The following DENND5B variants were observed in gnomAD, a reference collection of about 807,000 sequenced individuals.
The protein encoded by DENND5B is DENN domain-containing protein 5B.
Under a neutral mutation model 140.6 loss-of-function variants are expected in DENND5B, and 34 were observed. That is an observed-to-expected ratio of 0.24 (90% CI 0.18 to 0.32). DENND5B has a LOEUF of 0.32. Among genes scored for constraint, DENND5B ranks in the 10% least tolerant of loss-of-function variants. The pLI is 1.00. For synonymous variants in DENND5B, 551 were observed against 562.1 expected (o/e 0.98, Z 0.28); for missense variants, 1,142 against 1,560.2 (o/e 0.73, Z 4.52).
At chr12:31,537,239 C>A (rs756958894) in intron 1 of DENND5B, among the ~76,000 whole-genome samples, 2 of 151,950 alleles carry the variant, frequency 1.3e-5, no homozygotes, top group Non-Finnish European at 2.9e-5. Context: ...AAAGATAAAT[C>A]AAAAATAACT....
chr12:31,515,988 C>T (rs1485418756), intron 1 of DENND5B, among the ~76,000 whole-genome samples: 1 of 152,138 alleles, frequency 6.6e-6, no homozygotes, highest in African/African-American at 2.4e-5. Context: ...TAAATATATG[C>T]ATTAAAAGCT....
intron 1 of DENND5B, chr12:31,590,014 C>G (rs528997398): frequency 1.3e-5 from 2 of 152,406 alleles, no homozygotes; most frequent in African/African-American, 2.4e-5. Context: ...TGAATTTAAA[C>G]TCGGGAACAG....
At chr12:31,403,124 T>C (rs1031337345) in intron 14 of DENND5B, among the ~76,000 whole-genome samples, 2 of 152,202 alleles carry the variant, frequency 1.3e-5, no homozygotes, top group Non-Finnish European at 2.9e-5. Flanking sequence ...TTTAAAGCAC[T>C]GCATTTCAGA....
intron 2 of DENND5B, among the ~76,000 whole-genome samples, chr12:31,486,754 T>A (rs1001191588): frequency 2.6e-5 from 4 of 152,248 alleles, no homozygotes; most frequent in Non-Finnish European, 4.4e-5. Context: ...AGTCTCTACA[T>A]AAATACTACC....
intron 11 of DENND5B, among the ~76,000 whole-genome samples, chr12:31,418,940 T>A (rs1942895923): frequency 6.6e-6 from 1 of 152,170 alleles, no homozygotes; most frequent in African/African-American, 2.4e-5. Flanking sequence ...TGCCTGGCAA[T>A]TCCTGTTGTT....
At chr12:31,512,195 G>A (rs544212658) in intron 1 of DENND5B, among the ~76,000 whole-genome samples, 103 of 151,770 alleles carry the variant, frequency 6.8e-4, no homozygotes, top group Non-Finnish European at 1.0e-3. Context: ...GATTACAGGC[G>A]TGAGTCACCG....
intron 1 of DENND5B, among the ~76,000 whole-genome samples, chr12:31,518,750 T>G (rs1432308598): frequency 1.6e-5 from 2 of 126,644 alleles, no homozygotes; most frequent in African/African-American, 5.9e-5. Flanking sequence ...TTTTTAAATC[T>G]TTTTTTTTTG....
chr12:31,465,298 C>T (rs1241854978), intron 3 of DENND5B: 1 of 152,498 alleles, frequency 6.6e-6, no homozygotes, highest in African/African-American at 2.4e-5. Flanking sequence ...CTGGTGGTAT[C>T]CAGCATGCCT....
chr12:31,410,610 G>A (rs943106669), intron 13 of DENND5B, among the ~76,000 whole-genome samples: 3 of 152,014 alleles, frequency 2.0e-5, no homozygotes, highest in African/African-American at 7.2e-5. Context: ...TCACTATATT[G>A]CCCAGGCTGG....
intron 3 of DENND5B, among the ~76,000 whole-genome samples, chr12:31,473,495 T>A (rs77586124): frequency 0.012 from 1,882 of 152,280 alleles, 28 homozygotes; most frequent in African/African-American, 0.043. Flanking sequence ...TGAATTAGAT[T>A]GCCTGAGCTC....
intron 1 of DENND5B, among the ~76,000 whole-genome samples, chr12:31,506,712 G>A (rs1441953467): frequency 6.6e-6 from 1 of 152,138 alleles, no homozygotes; most frequent in East Asian, 1.9e-4. Flanking sequence ...GGAAAGTGAT[G>A]TATTTACAAT....
At chr12:31,502,966 T>C (rs1947068769) in intron 1 of DENND5B, among the ~76,000 whole-genome samples, 1 of 152,140 alleles carries the variant, frequency 6.6e-6, no homozygotes. Context: ...TCCATGGTCA[T>C]GGATAGATAG....
intron 6 of DENND5B, among the ~76,000 whole-genome samples, chr12:31,444,971 A>C (rs1348023752): frequency 6.6e-6 from 1 of 152,240 alleles, no homozygotes; most frequent in Non-Finnish European, 1.5e-5. Flanking sequence ...AAGCTTCAGC[A>C]TCATCATTCC....
At chr12:31,573,301 T>C (rs973465271) in intron 1 of DENND5B, among the ~76,000 whole-genome samples, 12 of 152,210 alleles carry the variant, frequency 7.9e-5, no homozygotes, top group Non-Finnish European at 1.5e-5. Context: ...AGTTACCTCT[T>C]CTACATTTGA....
chr12:31,411,565 G>A (rs768610247), intron 13 of DENND5B, among the ~76,000 whole-genome samples: 1 of 151,232 alleles, frequency 6.6e-6, no homozygotes, highest in Non-Finnish European at 1.5e-5. Context: ...GGATGGTCTC[G>A]ATCTCCTGAC....
chr12:31,448,608 T>C (rs1353693835), intron 5 of DENND5B, among the ~76,000 whole-genome samples: 1 of 152,258 alleles, frequency 6.6e-6, no homozygotes, highest in East Asian at 1.9e-4. Context: ...TGAATGCTTT[T>C]CTAGACTCTT....
intron 3 of DENND5B, among the ~76,000 whole-genome samples, chr12:31,460,600 A>T (rs895150249): frequency 2.0e-5 from 3 of 149,646 alleles, no homozygotes; most frequent in Non-Finnish European, 4.4e-5. Context: ...GGTGGGAAAC[A>T]TCACACTCTT....
intron 7 of DENND5B, among the ~76,000 whole-genome samples, chr12:31,433,992 C>T (rs1198969233): frequency 6.6e-6 from 1 of 152,104 alleles, no homozygotes; most frequent in African/African-American, 2.4e-5. Flanking sequence ...TATCCCATCT[C>T]AAGATAAATA....
chr12:31,563,316 C>A (rs889031615), intron 1 of DENND5B, among the ~76,000 whole-genome samples: 1 of 152,216 alleles, frequency 6.6e-6, no homozygotes, highest in Non-Finnish European at 1.5e-5. Context: ...AAAGACTGAT[C>A]CTACTCTTTC....
Sources: allele counts gnomAD v4.1 joint callset (sites outside exome capture counted in the v4.1 genomes callset), GRCh38; gene constraint gnomAD v4.1.1; transcripts MANE v1.5; gene names NCBI Gene and HGNC (gene_info 2026-07-23, HGNC 2026-07-21).